Variants in BMP5 observed in about 807,000 individuals in gnomAD.
BMP5 encodes bone morphogenetic protein 5.
BMP5 carries 23 observed loss-of-function variants against 46.6 expected under a neutral mutation model. The ratio of observed to expected loss-of-function variants is 0.49; its 90% confidence interval spans 0.35 to 0.70. The LOEUF (loss-of-function observed/expected upper bound fraction) is 0.70, where lower values mean the gene tolerates loss of function less well. Among genes scored for constraint, BMP5 ranks in the 30% least tolerant of loss-of-function variants. The pLI is 0.00. For missense variants in BMP5, 545 were observed against 565.6 expected, an observed-to-expected ratio of 0.96 and a Z score of 0.37; for synonymous variants, 204 against 191.9, an observed-to-expected ratio of 1.06 and a Z score of -0.52.
chr6:55,834,479 T>G (rs1015575279), intron 1 of BMP5, among the ~76,000 whole-genome samples: 9 of 152,192 alleles, frequency 5.9e-5, no homozygotes, highest in Non-Finnish European at 4.4e-5. Flanking sequence ...CTGAGGATTC[T>G]GAACTGACTC....
intron 1 of BMP5, among the ~76,000 whole-genome samples, chr6:55,840,948 G>A (rs1049738004): frequency 8.0e-5 from 10 of 124,992 alleles, no homozygotes; most frequent in Non-Finnish European, 1.5e-4. Context: ...TAGGAACCAG[G>A]CCGCACAGCA....
At chr6:55,841,710 G>A (rs757869880) in intron 1 of BMP5, among the ~76,000 whole-genome samples, 2 of 152,112 alleles carry the variant, frequency 1.3e-5, no homozygotes, top group Non-Finnish European at 2.9e-5. Context: ...ACCCCCTGGG[G>A]TCTTTCTGTG....
At chr6:55,859,268 C>T (rs753635633) in intron 1 of BMP5, among the ~76,000 whole-genome samples, 1 of 152,066 alleles carries the variant, frequency 6.6e-6, no homozygotes, top group Non-Finnish European at 1.5e-5. Context: ...TGTGTAAATG[C>T]ATTAAAAAAG....
At chr6:55,795,306 T>G (rs1409528027) in intron 2 of BMP5, among the ~76,000 whole-genome samples, 1 of 152,106 alleles carries the variant, frequency 6.6e-6, no homozygotes, top group East Asian at 1.9e-4. Flanking sequence ...TCAAATAGGT[T>G]AACTGTAAAA....
chr6:55,772,757 C>A (rs534811847), intron 4 of BMP5: 2 of 985,064 alleles, frequency 2.0e-6, no homozygotes, highest in East Asian at 2.3e-4. Flanking sequence ...ACCTTATAAG[C>A]AGCATTTAAT....
At chr6:55,821,474 A>G (rs922067450) in intron 1 of BMP5, among the ~76,000 whole-genome samples, 6 of 152,254 alleles carry the variant, frequency 3.9e-5, no homozygotes, top group African/African-American at 1.2e-4. Context: ...GGTGTTCCCC[A>G]CTGCACCCAG....
intron 1 of BMP5, among the ~76,000 whole-genome samples, chr6:55,857,001 G>A (rs1248583399): frequency 2.6e-5 from 4 of 152,074 alleles, no homozygotes; most frequent in Admixed American, 1.3e-4. Context: ...CATATACAGA[G>A]TTGACACTGC....
chr6:55,763,069 T>C (rs2127516796), intron 4 of BMP5, among the ~76,000 whole-genome samples: 1 of 152,252 alleles, frequency 6.6e-6, no homozygotes, highest in African/African-American at 2.4e-5. Flanking sequence ...CAAAAACAAA[T>C]GATAGGCTTA....
chr6:55,821,328 A>T (rs900326516), intron 1 of BMP5, among the ~76,000 whole-genome samples: 3 of 152,186 alleles, frequency 2.0e-5, no homozygotes, highest in Admixed American at 2.0e-4. Flanking sequence ...CCTCACCTCC[A>T]TCTCAGAATC....
At chr6:55,815,598 T>C (rs1776241749) in intron 2 of BMP5, among the ~76,000 whole-genome samples, 1 of 152,070 alleles carries the variant, frequency 6.6e-6, no homozygotes, top group African/African-American at 2.4e-5. Flanking sequence ...CAAAGAATAC[T>C]GAAACAATAC....
In BMP5 at chr6:55,794,294, C is replaced by G. The variant is rs1257017131; in HGVS notation, c.817G>C (p.Ala273Pro). The change falls in exon 3 of 7, where the codon GCA (alanine) becomes CCA (proline). Residue 273 changes from alanine (A) to proline (P), a missense_variant. By Grantham distance (27) the Ala-to-Pro change is conservative. Coordinates refer to ENST00000370830, the MANE Select transcript of BMP5 (RefSeq NM_021073.4). ...PQNNLGLQLC[A>P]ETGDGRSINV... ...CAGTGCTTACCATCCCCTGTTTCTG[C>G]ACAGAGCTGTAAGCCCAAATTATTC... 1 of 1,613,984 alleles carries G rather than the reference C, an allele frequency of 6.2e-7. No individual in the cohort carries two copies. The highest frequency in any genetic ancestry group is 8.5e-7 in the Non-Finnish European group (1 of 1,179,898).
intron 1 of BMP5, 27 bp from the exon 2 acceptor site, chr6:55,819,874 G>GA (rs747892430): frequency 6.4e-7 from 1 of 1,567,458 alleles, no homozygotes; most frequent in Non-Finnish European, 8.8e-7. Context: ...GGTTGAGGGG[G>GA]AAAAAAGTTA....
At chr6:55,791,665 A>G (rs1472185142) in intron 3 of BMP5, among the ~76,000 whole-genome samples, 2 of 152,222 alleles carry the variant, frequency 1.3e-5, no homozygotes, top group Non-Finnish European at 2.9e-5. Flanking sequence ...AAGTTAAATT[A>G]TGGAAATAGT....
At chr6:55,857,895 G>C (rs575019051) in intron 1 of BMP5, among the ~76,000 whole-genome samples, 2 of 151,770 alleles carry the variant, frequency 1.3e-5, no homozygotes, top group Non-Finnish European at 2.9e-5. Flanking sequence ...GCGCCACCAG[G>C]CCTGGCTAAT....
intron 4 of BMP5, among the ~76,000 whole-genome samples, chr6:55,771,626 T>C (rs1226518635): frequency 2.0e-5 from 3 of 151,798 alleles, no homozygotes; most frequent in Non-Finnish European, 4.4e-5. Context: ...CATCAGGAAG[T>C]CAGAAGGAAG....
chr6:55,855,569 C>A (rs1372002936), intron 1 of BMP5, among the ~76,000 whole-genome samples: 1 of 151,962 alleles, frequency 6.6e-6, no homozygotes, highest in Non-Finnish European at 1.5e-5. Context: ...AATTAACAAC[C>A]CTTAGACGAA....
chr6:55,792,180 G>A (rs567869282), intron 3 of BMP5, among the ~76,000 whole-genome samples: 1 of 152,304 alleles, frequency 6.6e-6, no homozygotes, highest in East Asian at 1.9e-4. Context: ...TGAGAGCATA[G>A]GGAAGGTCTG....
At chr6:55,807,052 AC>A (rs1375530323) in intron 2 of BMP5, among the ~76,000 whole-genome samples, 19 of 152,144 alleles carry the variant, frequency 1.2e-4, no homozygotes, top group Non-Finnish European at 2.2e-4. Flanking sequence ...CTATCTGAAT[AC>A]CCTTTATTTC....
In BMP5 at chr6:55,856,713, C is replaced by G. The variant is rs78820837; in HGVS notation, c.490+17663G>C. The stretch of plus-strand genomic sequence containing the variant: ...TATATTTTTACACTTACATACCACC[C>G]GATTAGTGATTGATTTAACTGTTCC... On this transcript the variant is annotated intron_variant, in intron 1 of 6. Coordinates refer to ENST00000370830, the MANE Select transcript of BMP5 (RefSeq NM_021073.4). Among the ~76,000 whole-genome samples, 344 of 151,932 alleles carry G rather than the reference C, an allele frequency of 2.3e-3. 1 individual carries two copies. Among genetic ancestry groups the G allele is most frequent in the South Asian group, 0.011 (55 of 4,794 alleles).
Sources: gnomAD v4.1 joint callset for allele counts (sites outside exome capture counted in the v4.1 genomes callset) on GRCh38, gnomAD v4.1.1 for gene constraint, MANE v1.5 for transcripts, NCBI Gene and HGNC (gene_info 2026-07-23, HGNC 2026-07-21) for gene names.